ANKRD17: variants seen among roughly 807,000 people sequenced by gnomAD.
The protein encoded by ANKRD17 is ankyrin repeat domain-containing protein 17.
Under a neutral mutation model 229.7 loss-of-function variants are expected in ANKRD17, and 19 were observed. The observed-to-expected ratio is 0.08, with a 90% CI of 0.06 to 0.12. The LOEUF is 0.12. Ranked by LOEUF, ANKRD17 falls within the 10% of genes least tolerant of loss-of-function variation. The pLI is 1.00. For synonymous variants in ANKRD17, 1,112 were observed against 1,146.1 expected (o/e 0.97, Z 0.60); for missense variants, 2,176 against 3,176.8 (o/e 0.68, Z 7.57).
chr4:73,103,270 T>G (rs1347694516), intron 24 of ANKRD17, among the ~76,000 whole-genome samples: 5 of 151,952 alleles, frequency 3.3e-5, no homozygotes, highest in Non-Finnish European at 7.4e-5. Context: ...ACCCTCTTTG[T>G]GCATCGATTT....
At chr4:73,244,275 G>A (rs1401821808) in intron 1 of ANKRD17, among the ~76,000 whole-genome samples, 1 of 151,890 alleles carries the variant, frequency 6.6e-6, no homozygotes, top group Non-Finnish European at 1.5e-5. Flanking sequence ...TTAATGTTGG[G>A]GACACACAGT....
rs1560645963 is a variant in ANKRD17 at position 73,171,181 on chromosome 4, GAGAGA to G, written c.547+6194_547+6198del. ...AGCTCCACATGGCTCAGAGGGGGGAGAGAGAGAGAGAGAGAGAGAGAGAGAGAGAG... is the reference window on the plus strand; with the variant it reads ...AGCTCCACATGGCTCAGAGGGGGGAGGAGAGAGAGAGAGAGAGAGAGAGAG... On this transcript the variant is annotated intron_variant, in intron 2 of 33. Transcript: ENST00000358602. 5.1e-4 allele frequency among the ~76,000 whole-genome samples: 24 copies of G among 46,948 alleles called. No homozygotes were observed. The East Asian group carries it at 0.015, about 29-fold the overall frequency. 30.8% of individuals were successfully genotyped at this position (46,948 alleles called of 152,430 possible). A position where few individuals can be genotyped will look rare whatever the true frequency, so the allele number is the denominator to read the frequency against.
chr4:73,108,918 G>C (rs1011562770), intron 24 of ANKRD17, among the ~76,000 whole-genome samples: 1 of 152,180 alleles, frequency 6.6e-6, no homozygotes, highest in East Asian at 1.9e-4. Flanking sequence ...AAAAAAATAG[G>C]AGAAAGAAAA....
chr4:73,151,300 T>C (rs1560602663), intron 7 of ANKRD17, 130 bp downstream of exon 7: 5 of 761,478 alleles, frequency 6.6e-6, no homozygotes, highest in Non-Finnish European at 8.3e-6. Context: ...GAAGTTAATG[T>C]TGTACAACTG....
At chr4:73,228,925 C>T (rs569818236) in intron 1 of ANKRD17, among the ~76,000 whole-genome samples, 24 of 152,244 alleles carry the variant, frequency 1.6e-4, no homozygotes, top group East Asian at 7.7e-4. Flanking sequence ...AAATGTGGCA[C>T]GTATACACCA....
rs1169079744 is a variant in ANKRD17, at chr4:73,179,488, G to GTATATATATATATA, written c.394-1969_394-1956dup. On this transcript the variant is annotated intron_variant, in intron 1 of 33. Coordinates refer to ENST00000358602, the MANE Select transcript of ANKRD17 (RefSeq NM_032217.5). ...TATATGTGTGTGTGTGTGTGTGTGT[G>GTATATATATATATA]TATATATATATATATATATATATAT... Among the ~76,000 whole-genome samples, 30 of 48,206 alleles carry GTATATATATATATA rather than the reference G, an allele frequency of 6.2e-4. 1 individual carries two copies. The highest frequency in any genetic ancestry group is 2.6e-3 in the African/African-American group (29 of 11,326). 31.6% of individuals were successfully genotyped at this position (48,206 alleles called of 152,430 possible).
chr4:73,250,632 T>C (rs564187311), intron 1 of ANKRD17, among the ~76,000 whole-genome samples: 2 of 127,002 alleles, frequency 1.6e-5, no homozygotes, highest in East Asian at 4.2e-4. Context: ...AAAAGAGTTG[T>C]TTTTAAAGAC....
At chr4:73,245,005 C>T (rs993931690) in intron 1 of ANKRD17, among the ~76,000 whole-genome samples, 19 of 152,020 alleles carry the variant, frequency 1.2e-4, no homozygotes, top group Non-Finnish European at 5.9e-5. Context: ...AGTTTGCAAG[C>T]AGAGACAGAC....
chr4:73,125,732 CAAAAA>C (rs56986647), intron 16 of ANKRD17, among the ~76,000 whole-genome samples: 1 of 68,124 alleles, frequency 1.5e-5, no homozygotes, highest in African/African-American at 4.1e-5. Flanking sequence ...GACTCCGTCT[CAAAAA>C]AAAAAAAAAA....
intron 28 of ANKRD17, 120 bp from the exon 29 acceptor site, chr4:73,092,420 A>G (rs563682011): frequency 1.3e-6 from 1 of 761,764 alleles, no homozygotes; most frequent in South Asian, 1.9e-5. Flanking sequence ...ATACATACAC[A>G]CATACAAACA....
chr4:73,092,724 T>C (rs561661629), intron 28 of ANKRD17, among the ~76,000 whole-genome samples: 2 of 152,234 alleles, frequency 1.3e-5, no homozygotes, highest in East Asian at 1.9e-4. Context: ...CTAAAAATAA[T>C]AGAAGTAAAC....
intron 1 of ANKRD17, among the ~76,000 whole-genome samples, chr4:73,191,269 T>C (rs1441865563): frequency 2.0e-5 from 3 of 151,144 alleles, no homozygotes; most frequent in Non-Finnish European, 2.9e-5. Context: ...GAAAAAGACA[T>C]ACTGCTCAAC....
chr4:73,094,765 T>A (rs1036003788), intron 27 of ANKRD17, among the ~76,000 whole-genome samples: 2 of 151,642 alleles, frequency 1.3e-5, no homozygotes, highest in African/African-American at 4.8e-5. Context: ...ATATACTGGT[T>A]GGGCATCTAA....
Position 73,098,388 on chromosome 4 carries a change from C to A in ANKRD17, c.4706G>T (p.Arg1569Met), listed in dbSNP as rs765481374. Residue 1569 changes from arginine to methionine, a missense_variant, in exon 26 of 34, where the codon AGG becomes ATG. Coordinates refer to ENST00000358602, the MANE Select transcript of ANKRD17 (RefSeq NM_032217.5). The stretch of plus-strand genomic sequence containing the variant: ...AGTAATTTTATTTTTCCTGTTTTTC[C>A]TCTTTGAACTGGTTGTAGTTATGGT... ...NNTITTTSSK[R>M]KNRKNKITPE... The A allele has an allele frequency of 2.5e-6, 4 of 1,614,102 alleles. No homozygotes were observed. The highest frequency in any genetic ancestry group is 3.4e-6 in the Non-Finnish European group (4 of 1,180,010).
rs1449251130 is a variant in ANKRD17 at position 73,142,637 on chromosome 4, T to C, written c.2085+3A>G. On this transcript the variant is annotated splice_donor_region_variant and intron_variant, in intron 12 of 33. Coordinates refer to ENST00000358602, the MANE Select transcript of ANKRD17 (RefSeq NM_032217.5). ...ATTCTGCACAAACATTTGAGTTACATACTTTCAAACGGTGAGTAGGATCTG... is the reference window on the plus strand; with the variant it reads ...ATTCTGCACAAACATTTGAGTTACACACTTTCAAACGGTGAGTAGGATCTG... The C allele has an allele frequency of 6.2e-6, 10 of 1,613,924 alleles. No individual in the cohort carries two copies. Among genetic ancestry groups the C allele is most frequent in the Non-Finnish European group, 8.5e-6 (10 of 1,179,900 alleles).
intron 1 of ANKRD17, among the ~76,000 whole-genome samples, chr4:73,192,614 C>T (rs928711197): frequency 3.3e-5 from 5 of 151,724 alleles, no homozygotes; most frequent in Admixed American, 6.6e-5. Context: ...TGAGAAAAAA[C>T]AACTTCTTTA....
chr4:73,120,280 C>T lies in ANKRD17; in HGVS notation c.3907G>A (p.Val1303Ile). ...ACATCAGCACCTTTATCCAAAAGAA[C>T]TCGGCCCACCTCCGCATATCCACCA... ...ASGGYAEVGR[V>I]LLDKGADVNA... The change falls in exon 21 of 34, where the codon GTT becomes ATT. Residue 1303 changes from valine (V) to isoleucine (I), a missense_variant. Around this residue, in one of 18 missense-constraint regions of ANKRD17, gnomAD observed 178 missense variants for 421.7 expected, o/e 0.42. Coordinates refer to ENST00000358602, the MANE Select transcript of ANKRD17 (RefSeq NM_032217.5). The T allele has an allele frequency of 6.2e-7, 1 of 1,614,046 alleles. No individual in the cohort carries two copies. Among genetic ancestry groups the T allele is most frequent in the Non-Finnish European group, 8.5e-7 (1 of 1,179,990 alleles).
intron 1 of ANKRD17, among the ~76,000 whole-genome samples, chr4:73,243,512 A>G (rs1744226947): frequency 6.6e-6 from 1 of 152,190 alleles, no homozygotes; most frequent in African/African-American, 2.4e-5. Flanking sequence ...GTCCTAAACA[A>G]AGCATCTTTT....
intron 2 of ANKRD17, among the ~76,000 whole-genome samples, chr4:73,175,186 A>G (rs1190538775): frequency 1.3e-5 from 2 of 152,230 alleles, no homozygotes; most frequent in Non-Finnish European, 2.9e-5. Context: ...AAGGAAACTT[A>G]CAATCATGGC....
Sources: gnomAD v4.1 joint callset for allele counts (sites outside exome capture counted in the v4.1 genomes callset) on GRCh38, gnomAD v4.1.1 for gene constraint, gnomAD v4.1.1 regional missense constraint, MANE v1.5 for transcripts, NCBI Gene and HGNC (gene_info 2026-07-23, HGNC 2026-07-21) for gene names.